AKAP12: variants seen among roughly 807,000 people sequenced by gnomAD.
The protein encoded by AKAP12 is A-kinase anchor protein 12.
A neutral mutation model predicts 79.9 loss-of-function variants in AKAP12; 32 were observed. The observed-to-expected ratio is 0.40, with a 90% CI of 0.30 to 0.54. AKAP12 has a LOEUF of 0.54. Ranked by LOEUF, AKAP12 falls within the 20% of genes least tolerant of loss-of-function variation. The pLI, the probability that AKAP12 is intolerant of heterozygous loss-of-function variation, is 0.48. For missense variants in AKAP12, 2,074 were observed against 2,177.0 expected (o/e 0.95, Z 0.94); for synonymous variants, 808 against 857.0 (o/e 0.94, Z 1.00).
intron 2 of AKAP12, among the ~76,000 whole-genome samples, chr6:151,290,403 A>T (rs909729899): frequency 3.9e-5 from 6 of 152,084 alleles, no homozygotes; most frequent in Non-Finnish European, 8.8e-5. Flanking sequence ...TCATTCTCCT[A>T]GCACATCCCT....
chr6:151,304,574 A>AT (rs2114754781), intron 2 of AKAP12, among the ~76,000 whole-genome samples: 2 of 134,040 alleles, frequency 1.5e-5, no homozygotes, highest in South Asian at 5.4e-4. Context: ...GGGTTTTTTC[A>AT]TTTTTGTTTT....
rs933103715 is a variant in AKAP12, at chr6:151,349,707, C to T, written c.1316C>T (p.Ala439Val). The part of the protein sequence containing the change: ...EEQKTEVEET[A>V]GSVPAEELVE... ...CAGAAAACGGAGGTGGAAGAAACAG[C>T]AGGGTCTGTGCCAGCTGAAGAATTG... is the stretch of plus-strand genomic sequence containing the variant. Residue 439 changes from alanine (A) to valine (V), a missense_variant, in exon 4 of 5, where the codon GCA (alanine) becomes GTA (valine). Coordinates refer to ENST00000402676, the MANE Select transcript of AKAP12 (RefSeq NM_005100.4). 9 of 1,613,972 alleles carry T rather than the reference C, an allele frequency of 5.6e-6. No individual in the cohort carries two copies. The African/African-American group carries it at 9.3e-5, about 17-fold the overall frequency.
At chr6:151,269,650 C>T (rs1776133568) in intron 2 of AKAP12, among the ~76,000 whole-genome samples, 1 of 152,244 alleles carries the variant, frequency 6.6e-6, no homozygotes, top group South Asian at 2.1e-4. Context: ...CCTCCGAGCA[C>T]TCTTCCTCTG....
At chr6:151,282,037 G>C (rs1230035325) in intron 2 of AKAP12, among the ~76,000 whole-genome samples, 1 of 151,552 alleles carries the variant, frequency 6.6e-6, no homozygotes. Flanking sequence ...ATGCAGGAGC[G>C]GGCTGTCCTC....
At chr6:151,342,832 G>A (rs1462384487) in intron 3 of AKAP12, among the ~76,000 whole-genome samples, 4 of 151,514 alleles carry the variant, frequency 2.6e-5, no homozygotes, top group Non-Finnish European at 4.4e-5. Flanking sequence ...GTGTGATCTC[G>A]GCTCACTGCA....
chr6:151,317,801 C>T (rs1038889251), intron 3 of AKAP12, among the ~76,000 whole-genome samples: 2 of 152,190 alleles, frequency 1.3e-5, no homozygotes, highest in African/African-American at 2.4e-5. Context: ...ATCAGTCACC[C>T]TTCTGGTACT....
chr6:151,325,683 G>T (rs1301250566), intron 3 of AKAP12: 1 of 1,427,982 alleles, frequency 7.0e-7, no homozygotes, highest in Admixed American at 2.8e-5. Flanking sequence ...TCTGCTTTTC[G>T]CTGCGGCAGC....
chr6:151,313,257 G>A (rs1447059570), intron 3 of AKAP12, among the ~76,000 whole-genome samples: 1 of 152,180 alleles, frequency 6.6e-6, no homozygotes, highest in African/African-American at 2.4e-5. Context: ...TGGATTCCTA[G>A]TAACGCTATC....
chr6:151,240,780 T>TG, intron 2 of AKAP12, 56 bp downstream of exon 2: 2 of 67,622 alleles, frequency 3.0e-5, no homozygotes, highest in Non-Finnish European at 5.2e-5. Context: ...GGGGTGGGGG[T>TG]GGGGGTGGGG....
At chr6:151,243,363 A>G (rs983581479) in intron 2 of AKAP12, among the ~76,000 whole-genome samples, 8 of 152,330 alleles carry the variant, frequency 5.3e-5, no homozygotes, top group Admixed American at 2.0e-4. Context: ...TTTATATCAC[A>G]TGCATGCTAT....
chr6:151,271,416 G>C (rs1001489743), intron 2 of AKAP12, among the ~76,000 whole-genome samples: 9 of 151,026 alleles, frequency 6.0e-5, no homozygotes, highest in Non-Finnish European at 1.3e-4. Flanking sequence ...CTGCCTGCCA[G>C]TCTCATGTGA....
chr6:151,334,463 T>C (rs934179546), intron 3 of AKAP12, among the ~76,000 whole-genome samples: 10 of 151,680 alleles, frequency 6.6e-5, no homozygotes, highest in Non-Finnish European at 1.3e-4. Context: ...GGCGTGGTGG[T>C]GAGTGCCTGT....
At chr6:151,317,410 T>C (rs527436277) in intron 3 of AKAP12, among the ~76,000 whole-genome samples, 1 of 152,332 alleles carries the variant, frequency 6.6e-6, no homozygotes, top group South Asian at 2.1e-4. Flanking sequence ...CCTTTAATCT[T>C]TTCTTCTCTA....
Position 151,352,156 on chromosome 6 carries a change from A to G in AKAP12, c.3765A>G (p.Val1255=). 6.2e-7 allele frequency: 1 copy of G among 1,614,200 alleles called. No individual in the cohort carries two copies. The part of the protein sequence containing the change: ...HTDKEVSVET[V]SILSKTEGTQ... ...ATAAAGAGGTGTCAGTGGAAACTGT[A>G]TCCATTCTGTCAAAGACTGAGGGGA... Residue 1255 remains valine, a synonymous_variant, in exon 4 of 5, where the codon GTA becomes GTG. Transcript: ENST00000402676.
intron 3 of AKAP12, chr6:151,324,111 A>T: frequency 1.0e-6 from 1 of 985,406 alleles, no homozygotes; most frequent in Non-Finnish European, 1.2e-6. Flanking sequence ...GCAGCATTTC[A>T]CACACACCAG....
Position 151,349,897 on chromosome 6 carries a change from G to A in AKAP12, c.1506G>A (p.Met502Ile), listed in dbSNP as rs761420036. The A allele has an allele frequency of 8.7e-6, 14 of 1,614,074 alleles. No individual in the cohort carries two copies. Among genetic ancestry groups the A allele is most frequent in the Admixed American group, 8.3e-5 (5 of 60,004 alleles). Reference sequence around the variant, plus strand: ...AAGGCGTTGTGAGTGAGGTGGAAATGCTGTCATCACAGGAGAGAATGAAGG... The same window carrying A: ...AAGGCGTTGTGAGTGAGGTGGAAATACTGTCATCACAGGAGAGAATGAAGG... ...PPEGVVSEVE[M>I]LSSQERMKVQ... is the part of the protein sequence containing the mutation. Residue 502 changes from methionine to isoleucine, a missense_variant, in exon 4 of 5, where the codon ATG becomes ATA. Met to Ile is a conservative substitution (Grantham distance 10). This residue lies in a region of AKAP12 where 1,428 missense variants were observed against 1,451.0 expected (regional missense o/e 0.98). Coordinates refer to ENST00000402676, the MANE Select transcript of AKAP12 (RefSeq NM_005100.4).
At chr6:151,272,593 C>T (rs1033935281) in intron 2 of AKAP12, among the ~76,000 whole-genome samples, 12 of 151,894 alleles carry the variant, frequency 7.9e-5, no homozygotes, top group Admixed American at 5.2e-4. Flanking sequence ...GATCTCGGCT[C>T]ACTGCAACCT....
At chr6:151,259,507 T>TACACACACACACAC (rs762556792) in intron 2 of AKAP12, among the ~76,000 whole-genome samples, 27 of 122,492 alleles carry the variant, frequency 2.2e-4, no homozygotes, top group African/African-American at 8.9e-4. Flanking sequence ...CATGTATATA[T>TACACACACACACAC]ATATACACAC....
intron 3 of AKAP12, among the ~76,000 whole-genome samples, chr6:151,308,281 C>T (rs905569037): frequency 6.6e-6 from 1 of 151,986 alleles, no homozygotes; most frequent in Non-Finnish European, 1.5e-5. Context: ...GGCATGATTT[C>T]GGCTCACTGC....
Sources: gnomAD v4.1 joint callset for allele counts (sites outside exome capture counted in the v4.1 genomes callset) on GRCh38, gnomAD v4.1.1 for gene constraint, gnomAD v4.1.1 regional missense constraint, MANE v1.5 for transcripts, NCBI Gene and HGNC (gene_info 2026-07-23, HGNC 2026-07-21) for gene names.